The following DPPA2 variants were observed in gnomAD, a reference collection of about 807,000 sequenced individuals.
DPPA2 encodes developmental pluripotency associated 2.
Under a neutral mutation model 36.2 loss-of-function variants are expected in DPPA2, and 26 were observed. That is an observed-to-expected ratio of 0.72 (90% CI 0.53 to 1.00). The LOEUF (loss-of-function observed/expected upper bound fraction) is 1.00, where lower values mean the gene tolerates loss of function less well. Ranked by LOEUF, DPPA2 falls within the 50% of genes least tolerant of loss-of-function variation. The pLI is 0.00. For synonymous variants in DPPA2, 113 were observed against 123.2 expected, an observed-to-expected ratio of 0.92 and a Z score of 0.55; for missense variants, 361 against 365.1, an observed-to-expected ratio of 0.99 and a Z score of 0.09.
chr3:109,295,282 G>A (rs1280938618), intron 8 of DPPA2: 1 of 151,624 alleles, frequency 6.6e-6, no homozygotes, highest in Non-Finnish European at 1.5e-5. Context: ...CACTTTGGGA[G>A]GCTGAGGCAG....
At chr3:109,301,474 A>G (rs1707456085) in intron 7 of DPPA2, among the ~76,000 whole-genome samples, 1 of 152,014 alleles carries the variant, frequency 6.6e-6, no homozygotes, top group African/African-American at 2.4e-5. Flanking sequence ...CAACATGGTG[A>G]AACCCCATCT....
rs750778053 is a variant in DPPA2, at chr3:109,304,516, T to C, written c.813A>G (p.Pro271=). Residue 271 remains proline, a synonymous_variant, in exon 7 of 9, where the codon CCA becomes CCG. Transcript: ENST00000478945. ...FLLPACIFPS[P]GIEDNMLCPD... is the part of the protein sequence containing the mutation. Reference sequence around the variant, plus strand: ...GGCATAACATATTATCTTCTATGCCTGGGGATGGGAAAATGCAGGCAGGTA... The same window carrying C: ...GGCATAACATATTATCTTCTATGCCCGGGGATGGGAAAATGCAGGCAGGTA... The C allele has an allele frequency of 7.4e-6, 12 of 1,613,896 alleles. No individual in the cohort carries two copies. Among genetic ancestry groups the C allele is most frequent in the Non-Finnish European group, 1.7e-6 (2 of 1,179,978 alleles).
chr3:109,309,694 CA>C (rs202069428), intron 3 of DPPA2, among the ~76,000 whole-genome samples: 22 of 148,722 alleles, frequency 1.5e-4, no homozygotes, highest in Admixed American at 8.1e-4. Context: ...CGTCTCGTCT[CA>C]AAAAAAAAAT....
intron 3 of DPPA2, among the ~76,000 whole-genome samples, chr3:109,311,717 G>C (rs914380724): frequency 6.6e-6 from 1 of 150,560 alleles, no homozygotes; most frequent in East Asian, 2.0e-4. Flanking sequence ...TCCAGCCTTT[G>C]CAACAAGAAC....
At chr3:109,297,303 C>T (rs919862798) in intron 8 of DPPA2, among the ~76,000 whole-genome samples, 1 of 151,902 alleles carries the variant, frequency 6.6e-6, no homozygotes, top group Admixed American at 6.6e-5. Flanking sequence ...GTGGGCAGAT[C>T]ACCTGAGGTC....
intron 6 of DPPA2, among the ~76,000 whole-genome samples, chr3:109,305,982 T>C (rs924288183): frequency 2.3e-4 from 35 of 152,172 alleles, no homozygotes; most frequent in African/African-American, 8.4e-4. Flanking sequence ...TAAGGAACAA[T>C]TTAATTAAGG....
At chr3:109,310,710 TG>T (rs1553694472) in intron 3 of DPPA2, among the ~76,000 whole-genome samples, 1 of 151,936 alleles carries the variant, frequency 6.6e-6, no homozygotes, top group Non-Finnish European at 1.5e-5. Context: ...TTCACTATGT[TG>T]GCCAGGCTGG....
intron 3 of DPPA2, 47 bp from the exon 4 acceptor site, chr3:109,309,377 G>A: frequency 1.2e-6 from 2 of 1,605,724 alleles, no homozygotes; most frequent in Non-Finnish European, 1.7e-6. Context: ...AAGTTGGCAA[G>A]ATTATTTTAA....
At chr3:109,299,666 A>T (rs1214799892) in intron 8 of DPPA2, among the ~76,000 whole-genome samples, 24 of 150,950 alleles carry the variant, frequency 1.6e-4, no homozygotes, top group Non-Finnish European at 8.9e-5. Flanking sequence ...AGCCTGGGCG[A>T]CAAGAATGAG....
At chr3:109,304,428 C>T (rs1435761505) in intron 7 of DPPA2, 47 bp downstream of exon 7, 2 of 1,526,188 alleles carry the variant, frequency 1.3e-6, no homozygotes, top group Non-Finnish European at 1.8e-6. Context: ...TCCATCTATA[C>T]ACCTACTTTT....
At chr3:109,308,877 C>T (rs1707633933) in intron 5 of DPPA2, 149 bp downstream of exon 5, 2 of 1,018,620 alleles carry the variant, frequency 2.0e-6, no homozygotes, top group South Asian at 3.2e-5. Context: ...CCAAAACAAA[C>T]AAAAAATTAT....
intron 3 of DPPA2, among the ~76,000 whole-genome samples, chr3:109,310,709 T>G (rs1707692429): frequency 6.6e-6 from 1 of 151,912 alleles, no homozygotes; most frequent in Admixed American, 6.6e-5. Context: ...TTTCACTATG[T>G]TGGCCAGGCT....
chr3:109,309,689 C>T (rs550645746), intron 3 of DPPA2, among the ~76,000 whole-genome samples: 32 of 151,270 alleles, frequency 2.1e-4, no homozygotes, highest in Admixed American at 4.0e-4. Flanking sequence ...GACTCCGTCT[C>T]GTCTCAAAAA....
At chr3:109,301,655 TA>T (rs200304140) in intron 7 of DPPA2, among the ~76,000 whole-genome samples, 8 of 117,382 alleles carry the variant, frequency 6.8e-5, no homozygotes, top group Admixed American at 3.8e-4. Flanking sequence ...CCATCTCAAA[TA>T]AAAAAAAAAT....
At chr3:109,297,198 C>G (rs1022515169) in intron 8 of DPPA2, among the ~76,000 whole-genome samples, 1 of 151,510 alleles carries the variant, frequency 6.6e-6, no homozygotes, top group Non-Finnish European at 1.5e-5. Context: ...AGATGCTCTA[C>G]TTCATATCAT....
At chr3:109,297,024 C>G (rs9848539) in intron 8 of DPPA2, among the ~76,000 whole-genome samples, 4,034 of 152,144 alleles carry the variant, frequency 0.027, 187 homozygotes, top group African/African-American at 0.092. Context: ...AAGGTCAAGG[C>G]TGCAGTGCGC....
At chr3:109,302,293 T>C (rs935062421) in intron 7 of DPPA2, among the ~76,000 whole-genome samples, 3 of 152,224 alleles carry the variant, frequency 2.0e-5, no homozygotes, top group Admixed American at 2.0e-4. Context: ...TGGACTTCTA[T>C]GTTTCCTCCA....
At chr3:109,311,135 T>C (rs1473494847) in intron 3 of DPPA2, among the ~76,000 whole-genome samples, 2 of 152,190 alleles carry the variant, frequency 1.3e-5, no homozygotes, top group East Asian at 3.9e-4. Flanking sequence ...AATCCACGTT[T>C]CTTTTATGCT....
chr3:109,309,351 A>T lies in DPPA2; in HGVS notation c.182-21T>A. ...ATGACCTAAGACAAGAATGGAACCA[A>T]AGTAGTAATAATTTAAAGTTGGCAA... On this transcript the variant is annotated intron_variant, in intron 3 of 8. Transcript: ENST00000478945. 5 of 1,611,462 alleles carry T rather than the reference A, an allele frequency of 3.1e-6. No individual in the cohort carries two copies. In the South Asian group the frequency reaches 5.5e-5, roughly 18 times the overall value.
Sources: allele counts gnomAD v4.1 joint callset (sites outside exome capture counted in the v4.1 genomes callset), GRCh38; gene constraint gnomAD v4.1.1; transcripts MANE v1.5; gene names NCBI Gene and HGNC (gene_info 2026-07-23, HGNC 2026-07-21).